Variants in PKP4 observed in about 807,000 individuals in gnomAD.
PKP4 encodes the protein plakophilin-4.
A neutral mutation model predicts 145.1 loss-of-function variants in PKP4; 90 were observed. The observed-to-expected ratio is 0.62, with a 90% CI of 0.52 to 0.74. The LOEUF is 0.74. Among genes scored for constraint, PKP4 ranks in the 30% least tolerant of loss-of-function variants. The pLI, the probability that PKP4 is intolerant of heterozygous loss-of-function variation, is 0.00. For synonymous variants in PKP4, 563 were observed against 577.2 expected, an observed-to-expected ratio of 0.98 and a Z score of 0.35; for missense variants, 1,340 against 1,482.7, an observed-to-expected ratio of 0.90 and a Z score of 1.58.
intron 6 of PKP4, among the ~76,000 whole-genome samples, chr2:158,623,806 G>C (rs1377276151): frequency 6.6e-6 from 1 of 152,198 alleles, no homozygotes; most frequent in African/African-American, 2.4e-5. Flanking sequence ...AGCCACTAAG[G>C]AGGTAACAGA....
chr2:158,528,670 A>G (rs1374021771), intron 1 of PKP4, among the ~76,000 whole-genome samples: 2 of 4,450 alleles, frequency 4.5e-4, no homozygotes, highest in Admixed American at 4.5e-3. Flanking sequence ...TTACTAAATG[A>G]AAAAAAAAAA....
intron 3 of PKP4, among the ~76,000 whole-genome samples, chr2:158,593,343 A>C (rs1390563735): frequency 6.6e-6 from 1 of 152,172 alleles, no homozygotes; most frequent in East Asian, 1.9e-4. Context: ...TGTCACTTGA[A>C]ATATTAGAAA....
intron 2 of PKP4, among the ~76,000 whole-genome samples, 192 bp from the exon 3 acceptor site, chr2:158,577,079 T>A (rs908866113): frequency 2.6e-5 from 4 of 152,162 alleles, no homozygotes; most frequent in African/African-American, 9.7e-5. Context: ...GATATTCTAT[T>A]GCCTTTAGAT....
chr2:158,565,505 T>TC (rs1479779565), intron 2 of PKP4, among the ~76,000 whole-genome samples: 2 of 151,234 alleles, frequency 1.3e-5, no homozygotes, highest in Non-Finnish European at 2.9e-5. Context: ...ACTTGTCTGC[T>TC]CTTTTTTTGG....
chr2:158,620,601 G>A (rs915883725), intron 4 of PKP4, among the ~76,000 whole-genome samples: 3 of 152,160 alleles, frequency 2.0e-5, no homozygotes, highest in Non-Finnish European at 2.9e-5. Flanking sequence ...TGAACGTTGT[G>A]TAAGTTTTCA....
intron 1 of PKP4, among the ~76,000 whole-genome samples, chr2:158,506,287 G>A (rs1167924037): frequency 6.6e-6 from 1 of 152,204 alleles, no homozygotes; most frequent in Non-Finnish European, 1.5e-5. Flanking sequence ...TGGTTGAGGA[G>A]ATGAAGAAGG....
chr2:158,504,365 G>A (rs755707282), intron 1 of PKP4, among the ~76,000 whole-genome samples: 2 of 152,136 alleles, frequency 1.3e-5, no homozygotes, highest in African/African-American at 2.4e-5. Context: ...CTACTTCCCC[G>A]CAGTGTAATA....
At chr2:158,547,665 G>T (rs991338837) in intron 2 of PKP4, among the ~76,000 whole-genome samples, 1 of 152,140 alleles carries the variant, frequency 6.6e-6, no homozygotes, top group East Asian at 1.9e-4. Context: ...TTGCATGTAA[G>T]TTATATCTCA....
At chr2:158,522,864 G>T (rs1472448393) in intron 1 of PKP4, among the ~76,000 whole-genome samples, 1 of 152,210 alleles carries the variant, frequency 6.6e-6, no homozygotes, top group Non-Finnish European at 1.5e-5. Context: ...CAAAGAAAGG[G>T]GTGACGGACG....
chr2:158,655,016 A>T lies in PKP4; in HGVS notation c.1910-3115A>T, dbSNP rs868591134. Among the ~76,000 whole-genome samples, 9 of 152,120 alleles carry T rather than the reference A, an allele frequency of 5.9e-5. No homozygotes were observed. In the South Asian group the frequency reaches 6.2e-4, roughly 11 times the overall value. ...GCATATAAATGTTCATCTTTTTTTAAAAAAAAATCAACATGTAGAATTTCA... is the reference window on the plus strand; with the variant it reads ...GCATATAAATGTTCATCTTTTTTTATAAAAAAATCAACATGTAGAATTTCA... On this transcript the variant is annotated intron_variant, in intron 11 of 21. Transcript: ENST00000389759.
chr2:158,522,676 G>T (rs1167036140), intron 1 of PKP4, among the ~76,000 whole-genome samples: 3 of 152,198 alleles, frequency 2.0e-5, no homozygotes, highest in African/African-American at 7.2e-5. Context: ...CCCAGCGTGA[G>T]CGACGCAGAA....
chr2:158,622,268 A>G (rs770342609), intron 6 of PKP4, among the ~76,000 whole-genome samples: 8 of 152,218 alleles, frequency 5.3e-5, no homozygotes, highest in Non-Finnish European at 1.0e-4. Flanking sequence ...ATAGAAACAT[A>G]TCCATTCTGT....
intron 3 of PKP4, among the ~76,000 whole-genome samples, chr2:158,591,352 T>C (rs1470988164): frequency 6.6e-6 from 1 of 152,084 alleles, no homozygotes; most frequent in Non-Finnish European, 1.5e-5. Context: ...TTTTTTAAAG[T>C]ATCTATATTT....
At chr2:158,586,878 A>G (rs927937672) in intron 3 of PKP4, among the ~76,000 whole-genome samples, 7 of 152,244 alleles carry the variant, frequency 4.6e-5, no homozygotes, top group Non-Finnish European at 1.0e-4. Flanking sequence ...TTAAACTAGT[A>G]TAACTGAGTC....
At chr2:158,566,623 C>T (rs551903176) in intron 2 of PKP4, among the ~76,000 whole-genome samples, 4 of 152,102 alleles carry the variant, frequency 2.6e-5, no homozygotes, top group African/African-American at 9.7e-5. Context: ...ATTAATTCTA[C>T]CAAATAACTA....
At chr2:158,489,629 A>G (rs1221758498) in intron 1 of PKP4, among the ~76,000 whole-genome samples, 1 of 152,220 alleles carries the variant, frequency 6.6e-6, no homozygotes, top group Non-Finnish European at 1.5e-5. Context: ...ACGCTGGGCT[A>G]AAGATTTATT....
intron 16 of PKP4, 55 bp from the exon 17 acceptor site, chr2:158,669,665 A>G (rs912592794): frequency 6.6e-6 from 9 of 1,354,328 alleles, no homozygotes; most frequent in African/African-American, 4.3e-5. Flanking sequence ...CTGAACAACA[A>G]TAACAAAAAC....
Position 158,673,966 on chromosome 2 carries a change from C to T in PKP4, c.3093C>T (p.Thr1031=), listed in dbSNP as rs199734281. The T allele has an allele frequency of 2.3e-5, 37 of 1,607,986 alleles. No individual in the cohort carries two copies. Among genetic ancestry groups the T allele is most frequent in the Non-Finnish European group, 3.0e-5 (35 of 1,174,384 alleles). The change falls in exon 19 of 22, where the codon ACC becomes ACT. Residue 1031 remains threonine, a synonymous_variant. Transcript: ENST00000389759. ...DRFKSHPSLS[T]TNQQMSPIIQ... ...TCAAATCACATCCTTCCTTGTCTAC[C>T]ACCAACCAACAGATGTCACCCATCA...
intron 2 of PKP4, among the ~76,000 whole-genome samples, chr2:158,551,271 C>T (rs2045596909): frequency 6.6e-6 from 1 of 152,152 alleles, no homozygotes. Flanking sequence ...AAACTGTTTG[C>T]CTCTAGGTTG....
Sources: allele counts gnomAD v4.1 joint callset (sites outside exome capture counted in the v4.1 genomes callset), GRCh38; gene constraint gnomAD v4.1.1; transcripts MANE v1.5; gene names NCBI Gene and HGNC (gene_info 2026-07-23, HGNC 2026-07-21).